Variants in FAM184B observed in about 807,000 individuals in gnomAD.
The protein encoded by FAM184B is family with sequence similarity 184 member B, also known as protein FAM184B.
FAM184B carries 111 observed loss-of-function variants against 135.9 expected under a neutral mutation model. The observed-to-expected ratio is 0.82, with a 90% CI of 0.70 to 0.96. FAM184B has a LOEUF of 0.96. Ranked by LOEUF, FAM184B falls within the 40% of genes least tolerant of loss-of-function variation. The pLI, the probability that FAM184B is intolerant of heterozygous loss-of-function variation, is 0.00. For synonymous variants in FAM184B, 552 were observed against 524.8 expected (o/e 1.05, Z -0.71); for missense variants, 1,375 against 1,323.9 (o/e 1.04, Z -0.60).
Position 17,747,883 on chromosome 4 carries a change from T to A in FAM184B, c.141+33276A>T, listed in dbSNP as rs1718203949. ...TTGCAGTGAGCCGAGATTGCGCCAC[T>A]GCACTCCAGCCTGGGCGACAGAGCG... On this transcript the variant is annotated intron_variant, in intron 1 of 17. Coordinates refer to ENST00000265018, the MANE Select transcript of FAM184B (RefSeq NM_015688.2). Among the ~76,000 whole-genome samples, 3 of 119,798 alleles carry A rather than the reference T, an allele frequency of 2.5e-5. No homozygotes were observed. The Admixed American group carries it at 3.4e-4, about 14-fold the overall frequency. The allele number at this position is 119,798 out of a possible 152,430, so 78.6% of individuals were successfully genotyped here. A position where few individuals can be genotyped will look rare whatever the true frequency, so the allele number is the denominator to read the frequency against.
At chr4:17,637,570 T>C (rs1715181360) in intron 14 of FAM184B, among the ~76,000 whole-genome samples, 1 of 152,198 alleles carries the variant, frequency 6.6e-6, no homozygotes, top group African/African-American at 2.4e-5. Flanking sequence ...TTGTGAGAAT[T>C]CAATGTGATA....
chr4:17,742,857 C>A (rs906326709), intron 1 of FAM184B, among the ~76,000 whole-genome samples: 8 of 152,226 alleles, frequency 5.3e-5, no homozygotes, highest in Non-Finnish European at 7.3e-5. Context: ...AGGGCAAGAA[C>A]CTGGGTGCCA....
At chr4:17,649,460 T>A (rs1352638017) in intron 11 of FAM184B, among the ~76,000 whole-genome samples, 1 of 151,982 alleles carries the variant, frequency 6.6e-6, no homozygotes, top group Non-Finnish European at 1.5e-5. Context: ...GGCAGGTGCC[T>A]GTAGTCCCAG....
At chr4:17,635,675 T>A (rs200368993) in intron 15 of FAM184B, among the ~76,000 whole-genome samples, 38 of 147,908 alleles carry the variant, frequency 2.6e-4, no homozygotes, top group African/African-American at 7.6e-4. Context: ...AGGATTACTT[T>A]AAAAAAAAAA....
At position 17,739,555 on chromosome 4, in the gene FAM184B, G is replaced by GTTTTTTTTTTTTGT. The variant is rs1553841419; in HGVS notation, c.142-29912_142-29911insACAAAAAAAAAAAA. ...CCCTACACCATATGTCATACCAACT[G>GTTTTTTTTTTTTGT]TTTTTTTTTTTTTTTTGAGATGGGG... is the stretch of plus-strand genomic sequence containing the variant. On this transcript the variant is annotated intron_variant, in intron 1 of 17. Transcript: ENST00000265018. Among the ~76,000 whole-genome samples, 3 of 62,508 alleles carry GTTTTTTTTTTTTGT rather than the reference G, an allele frequency of 4.8e-5. 1 individual carries two copies. The highest frequency in any genetic ancestry group is 5.9e-4 in the East Asian group (1 of 1,702). The allele number at this position is 62,508 out of a possible 152,430, so 41.0% of individuals were successfully genotyped here.
intron 1 of FAM184B, among the ~76,000 whole-genome samples, chr4:17,767,326 C>T (rs1057078101): frequency 1.3e-5 from 2 of 152,204 alleles, no homozygotes; most frequent in Non-Finnish European, 1.5e-5. Flanking sequence ...AAGCCCCGAG[C>T]CAGCTAGGGC....
chr4:17,731,489 C>T (rs191226714), intron 1 of FAM184B, among the ~76,000 whole-genome samples: 1 of 151,934 alleles, frequency 6.6e-6, no homozygotes, highest in Non-Finnish European at 1.5e-5. Context: ...GAAGATCTAC[C>T]AAGCAAATGG....
chr4:17,735,131 T>C (rs1717876378), intron 1 of FAM184B, among the ~76,000 whole-genome samples: 1 of 139,168 alleles, frequency 7.2e-6, no homozygotes, highest in African/African-American at 2.7e-5. Flanking sequence ...AATTAAACAA[T>C]GAAAACACAT....
At position 17,742,268 on chromosome 4, in the gene FAM184B, G is replaced by A. The variant is rs562618007; in HGVS notation, c.142-32624C>T. ...GGATCGCTTGAAGTCAGGAGTTTGA[G>A]ACCAGCCTGGGCAACACAGCAAGAC... On this transcript the variant is annotated intron_variant, in intron 1 of 17. Transcript: ENST00000265018. Among the ~76,000 whole-genome samples, 87 of 150,872 alleles carry A rather than the reference G, an allele frequency of 5.8e-4. No individual in the cohort carries two copies. In the South Asian group the frequency reaches 9.2e-3, roughly 16 times the overall value.
At chr4:17,680,454 C>G (rs575247408) in intron 7 of FAM184B, among the ~76,000 whole-genome samples, 260 of 152,222 alleles carry the variant, frequency 1.7e-3, no homozygotes, top group Non-Finnish European at 2.6e-3. Context: ...CAGACACCAC[C>G]TGTTCCCCAA....
At chr4:17,704,435 G>T (rs551207239) in intron 5 of FAM184B, among the ~76,000 whole-genome samples, 2 of 152,146 alleles carry the variant, frequency 1.3e-5, no homozygotes, top group Non-Finnish European at 2.9e-5. Context: ...TGCTGCCCAC[G>T]TGTCCTAGGC....
intron 1 of FAM184B, among the ~76,000 whole-genome samples, chr4:17,767,207 G>T (rs73096913): frequency 4.6e-5 from 7 of 152,194 alleles, no homozygotes; most frequent in African/African-American, 1.7e-4. Flanking sequence ...CTCGTGGCAA[G>T]CAGAGGGAGC....
chr4:17,680,507 T>C (rs4431221), intron 7 of FAM184B, among the ~76,000 whole-genome samples: 142,057 of 152,228 alleles, frequency 0.93, 66,743 homozygotes, highest in Non-Finnish European at 1. Context: ...ACATTGTCCA[T>C]GTCTCTGAAC....
intron 1 of FAM184B, among the ~76,000 whole-genome samples, chr4:17,748,398 A>G (rs1718222029): frequency 1.3e-5 from 2 of 151,952 alleles, no homozygotes; most frequent in Admixed American, 1.3e-4. Flanking sequence ...TCCCTGTCAG[A>G]AGTGGGAATC....
chr4:17,704,697 T>A (rs1306599049), intron 5 of FAM184B, among the ~76,000 whole-genome samples: 1 of 152,174 alleles, frequency 6.6e-6, no homozygotes, highest in Non-Finnish European at 1.5e-5. Flanking sequence ...TAAGTAGAGT[T>A]GAATTTCCCT....
chr4:17,698,948 G>C (rs993736724), intron 5 of FAM184B, among the ~76,000 whole-genome samples: 2 of 151,878 alleles, frequency 1.3e-5, no homozygotes, highest in African/African-American at 4.8e-5. Flanking sequence ...GTCTCATAAA[G>C]AGCAGAATAA....
chr4:17,753,965 C>T (rs1054980462), intron 1 of FAM184B, among the ~76,000 whole-genome samples: 3 of 152,138 alleles, frequency 2.0e-5, no homozygotes, highest in African/African-American at 7.2e-5. Context: ...GTTTACATAA[C>T]ATCAAGGTTG....
intron 12 of FAM184B, 37 bp downstream of exon 12, chr4:17,647,600 G>A: frequency 6.5e-7 from 1 of 1,532,748 alleles, no homozygotes; most frequent in Non-Finnish European, 8.8e-7. Context: ...TGCTGCTCTG[G>A]GAGGGGTATT....
intron 1 of FAM184B, among the ~76,000 whole-genome samples, chr4:17,751,039 G>A (rs1354541043): frequency 1.3e-5 from 2 of 151,840 alleles, no homozygotes; most frequent in African/African-American, 2.4e-5. Flanking sequence ...CGGGTGCGGT[G>A]GTTCACACCT....
Sources: gnomAD v4.1 joint callset for allele counts (sites outside exome capture counted in the v4.1 genomes callset) on GRCh38, gnomAD v4.1.1 for gene constraint, MANE v1.5 for transcripts, NCBI Gene and HGNC (gene_info 2026-07-23, HGNC 2026-07-21) for gene names.